Variants in EIF4EBP1 observed in about 807,000 individuals in gnomAD.
EIF4EBP1 encodes the protein eukaryotic translation initiation factor 4E-binding protein 1.
EIF4EBP1 carries 5 observed loss-of-function variants against 9.2 expected under a neutral mutation model. The observed-to-expected ratio is 0.54, with a 90% CI of 0.28 to 1.14. EIF4EBP1 has a LOEUF of 1.14. Among genes scored for constraint, EIF4EBP1 ranks in the 50% most tolerant of loss-of-function variants. The probability of loss-of-function intolerance (pLI) is 0.09; values close to 1 mark genes in which losing one functional copy is unlikely to be tolerated. For missense variants in EIF4EBP1, 139 were observed against 169.6 expected (o/e 0.82, Z 1.00); for synonymous variants, 62 against 67.0 (o/e 0.93, Z 0.36).
At chr8:38,057,397 C>A in intron 2 of EIF4EBP1, 137 bp downstream of exon 2, 1 of 1,088,476 alleles carries the variant, frequency 9.2e-7, no homozygotes, top group South Asian at 1.7e-5. Flanking sequence ...CAGCTCAGAG[C>A]CCAGAGGGTG....
intron 1 of EIF4EBP1, among the ~76,000 whole-genome samples, chr8:38,056,662 G>A (rs1220411306): frequency 6.8e-6 from 1 of 147,990 alleles, no homozygotes; most frequent in Non-Finnish European, 1.5e-5. Context: ...CACTACTCTG[G>A]CTTTTTTTTT....
chr8:38,042,543 C>A (rs572237470), intron 1 of EIF4EBP1, among the ~76,000 whole-genome samples: 208 of 152,282 alleles, frequency 1.4e-3, no homozygotes, highest in Non-Finnish European at 1.8e-3. Context: ...GCCAGCAGGG[C>A]TGGGTTCTGA....
At chr8:38,059,767 A>C (rs1052233403) in intron 2 of EIF4EBP1, 137 bp from the exon 3 acceptor site, 22 of 879,954 alleles carry the variant, frequency 2.5e-5, no homozygotes, top group African/African-American at 2.2e-4. Context: ...AAAAAAAAAA[A>C]CAAAAAAACA....
chr8:38,056,787 C>A (rs1419528011), intron 1 of EIF4EBP1, among the ~76,000 whole-genome samples: 1 of 151,952 alleles, frequency 6.6e-6, no homozygotes, highest in African/African-American at 2.4e-5. Flanking sequence ...CCCCAGCCTC[C>A]TGAGTAGCTG....
chr8:38,044,548 C>T (rs541537830), intron 1 of EIF4EBP1, among the ~76,000 whole-genome samples: 3 of 152,334 alleles, frequency 2.0e-5, no homozygotes, highest in African/African-American at 7.2e-5. Flanking sequence ...AAGCGATCCT[C>T]CTGCCTCAGC....
At chr8:38,031,954 T>C (rs1355554691) in intron 1 of EIF4EBP1, among the ~76,000 whole-genome samples, 2 of 152,222 alleles carry the variant, frequency 1.3e-5, no homozygotes, top group Non-Finnish European at 2.9e-5. Flanking sequence ...AAGGAAAAGC[T>C]CGCAGGGGCT....
chr8:38,048,253 A>G (rs1174856745), intron 1 of EIF4EBP1, among the ~76,000 whole-genome samples: 1 of 152,044 alleles, frequency 6.6e-6, no homozygotes, highest in Non-Finnish European at 1.5e-5. Flanking sequence ...AGCCTGAGTG[A>G]CAGAGCAAGA....
chr8:38,033,680 T>C (rs936257975), intron 1 of EIF4EBP1, among the ~76,000 whole-genome samples: 6 of 150,512 alleles, frequency 4.0e-5, no homozygotes, highest in East Asian at 1.9e-4. Flanking sequence ...TGATTGTCCC[T>C]GGAGGGAAAG....
chr8:38,035,109 T>A (rs577788372), intron 1 of EIF4EBP1, among the ~76,000 whole-genome samples: 79 of 152,254 alleles, frequency 5.2e-4, no homozygotes, highest in African/African-American at 1.8e-3. Flanking sequence ...ATAAATAAAA[T>A]TTTTTAAAGT....
chr8:38,044,564 G>A (rs1042517294), intron 1 of EIF4EBP1, among the ~76,000 whole-genome samples: 1 of 152,146 alleles, frequency 6.6e-6, no homozygotes, highest in East Asian at 1.9e-4. Flanking sequence ...TCAGCCTCTG[G>A]AGTAGCTGGG....
chr8:38,033,965 C>T (rs898343131), intron 1 of EIF4EBP1, among the ~76,000 whole-genome samples: 1 of 152,002 alleles, frequency 6.6e-6, no homozygotes, highest in Admixed American at 6.6e-5. Flanking sequence ...CCAGGATGGT[C>T]TCGATCTCCT....
At chr8:38,051,663 A>T (rs920450754) in intron 1 of EIF4EBP1, among the ~76,000 whole-genome samples, 1 of 151,858 alleles carries the variant, frequency 6.6e-6, no homozygotes, top group African/African-American at 2.4e-5. Context: ...CAGTGGCACG[A>T]TCTCGGCTCA....
chr8:38,058,589 A>G (rs550331941), intron 2 of EIF4EBP1, among the ~76,000 whole-genome samples: 2 of 152,306 alleles, frequency 1.3e-5, no homozygotes, highest in South Asian at 4.1e-4. Flanking sequence ...ATATACACAT[A>G]TATTAATTTG....
At chr8:38,040,952 A>G (rs1240062048) in intron 1 of EIF4EBP1, among the ~76,000 whole-genome samples, 1 of 152,090 alleles carries the variant, frequency 6.6e-6, no homozygotes, top group African/African-American at 2.4e-5. Flanking sequence ...AGCATGCACC[A>G]CCATGCCCAG....
At chr8:38,037,292 C>G (rs1809316924) in intron 1 of EIF4EBP1, among the ~76,000 whole-genome samples, 1 of 152,092 alleles carries the variant, frequency 6.6e-6, no homozygotes, top group Non-Finnish European at 1.5e-5. Context: ...GCGTTCCCCT[C>G]AGGATAACCT....
intron 1 of EIF4EBP1, among the ~76,000 whole-genome samples, chr8:38,042,510 G>C (rs1809395875): frequency 6.6e-6 from 1 of 152,174 alleles, no homozygotes; most frequent in African/African-American, 2.4e-5. Flanking sequence ...TAGTTCTGGA[G>C]GCTGGAAGTC....
At chr8:38,055,175 G>A (rs1436455255) in intron 1 of EIF4EBP1, among the ~76,000 whole-genome samples, 1 of 152,080 alleles carries the variant, frequency 6.6e-6, no homozygotes, top group Non-Finnish European at 1.5e-5. Context: ...CTGCCCTTCA[G>A]CATCTCACGT....
Position 38,057,136 on chromosome 8 carries a change from G to C in EIF4EBP1, c.201G>C (p.Val67=). The C allele has an allele frequency of 6.2e-7, 1 of 1,614,220 alleles. No individual in the cohort carries two copies. Among genetic ancestry groups the C allele is most frequent in the African/African-American group, 1.3e-5 (1 of 75,056 alleles). Residue 67 remains valine, a synonymous_variant, in exon 2 of 3, where the codon GTG becomes GTC. Transcript: ENST00000338825. ...TGATGGAGTGTCGGAACTCACCTGT[G>C]ACCAAAACACCCCCAAGGGATCTGC... ...KFLMECRNSP[V]TKTPPRDLPT... is the part of the protein sequence containing the mutation.
At chr8:38,039,820 A>G (rs1046713112) in intron 1 of EIF4EBP1, among the ~76,000 whole-genome samples, 5 of 152,146 alleles carry the variant, frequency 3.3e-5, no homozygotes, top group African/African-American at 9.7e-5. Context: ...TCTTGTCCCA[A>G]TATTACCGAA....
Sources: gnomAD v4.1 joint callset for allele counts (sites outside exome capture counted in the v4.1 genomes callset) on GRCh38, gnomAD v4.1.1 for gene constraint, MANE v1.5 for transcripts, NCBI Gene and HGNC (gene_info 2026-07-23, HGNC 2026-07-21) for gene names.